TOP2B: variants seen among roughly 807,000 people sequenced by gnomAD.
The protein encoded by TOP2B is DNA topoisomerase 2-beta.
TOP2B carries 51 observed loss-of-function variants against 193.5 expected under a neutral mutation model. That is an observed-to-expected ratio of 0.26 (90% CI 0.21 to 0.33). TOP2B has a LOEUF of 0.33. Among genes scored for constraint, TOP2B ranks in the 10% least tolerant of loss-of-function variants. The pLI is 1.00. For missense variants in TOP2B, 1,378 were observed against 1,909.3 expected, an observed-to-expected ratio of 0.72 and a Z score of 5.19; for synonymous variants, 634 against 635.7, an observed-to-expected ratio of 1.00 and a Z score of 0.04.
chr3:25,599,413 A>G lies in TOP2B; in HGVS notation c.4710+22T>C, dbSNP rs769847689. On this transcript the variant is annotated intron_variant, in intron 35 of 35. Coordinates refer to ENST00000264331, the MANE Select transcript of TOP2B (RefSeq NM_001330700.2). Reference sequence around the variant, plus strand: ...TTTTTTTAAAAAGCCATGCACTAATATGCAATGATGTTCCCGGTTACCTTG... The same window carrying G: ...TTTTTTTAAAAAGCCATGCACTAATGTGCAATGATGTTCCCGGTTACCTTG... 1.1e-5 allele frequency: 18 copies of G among 1,608,658 alleles called. No individual in the cohort carries two copies. The Admixed American group carries it at 3.0e-4, about 27-fold the overall frequency.
At chr3:25,641,248 T>C (rs1276555660) in intron 4 of TOP2B, among the ~76,000 whole-genome samples, 1 of 152,206 alleles carries the variant, frequency 6.6e-6, no homozygotes, top group African/African-American at 2.4e-5. Flanking sequence ...TTAAGGAAGG[T>C]CCTTTCTTTC....
intron 1 of TOP2B, among the ~76,000 whole-genome samples, chr3:25,662,718 C>A (rs1322088789): frequency 6.6e-6 from 1 of 152,176 alleles, no homozygotes; most frequent in Non-Finnish European, 1.5e-5. Flanking sequence ...GTACTGCTAT[C>A]AAATGTTAAA....
chr3:25,646,161 C>G (rs189059072), intron 1 of TOP2B, among the ~76,000 whole-genome samples: 29 of 152,200 alleles, frequency 1.9e-4, no homozygotes, highest in Non-Finnish European at 3.1e-4. Flanking sequence ...TGGCTAGGTG[C>G]AGGAGCCCCA....
At chr3:25,628,414 G>A (rs539678175) in intron 15 of TOP2B, among the ~76,000 whole-genome samples, 6 of 152,174 alleles carry the variant, frequency 3.9e-5, no homozygotes, top group African/African-American at 1.2e-4. Flanking sequence ...AAGTCAAGGC[G>A]GCAGTGAGCT....
At chr3:25,631,653 G>A (rs775141145) in intron 10 of TOP2B, among the ~76,000 whole-genome samples, 1 of 151,950 alleles carries the variant, frequency 6.6e-6, no homozygotes, top group Non-Finnish European at 1.5e-5. Context: ...TTTAAACTTA[G>A]TGCACCTAAA....
chr3:25,639,935 T>C (rs982056168), intron 4 of TOP2B, among the ~76,000 whole-genome samples: 1 of 152,196 alleles, frequency 6.6e-6, no homozygotes, highest in East Asian at 1.9e-4. Flanking sequence ...AAGAAGTTTA[T>C]GTGCACAAAT....
intron 4 of TOP2B, among the ~76,000 whole-genome samples, chr3:25,640,660 T>A (rs1370375461): frequency 6.6e-6 from 1 of 152,124 alleles, no homozygotes; most frequent in Non-Finnish European, 1.5e-5. Flanking sequence ...GAATTACTCT[T>A]TCTACAAAAT....
rs1013069884 is a variant in TOP2B, at chr3:25,629,205, A to G, written c.1690-60T>C. 34 of 1,240,168 alleles carry G rather than the reference A, an allele frequency of 2.7e-5. No individual in the cohort carries two copies. In the Admixed American group the frequency reaches 5.6e-4, roughly 20 times the overall value. 76.8% of individuals were successfully genotyped at this position (1,240,168 alleles called of 1,614,324 possible). A position where few individuals can be genotyped will look rare whatever the true frequency, so the allele number is the denominator to read the frequency against. ...ATACTTTTATAAAATGATTACTTAT[A>G]TAAACAAATTTTAAAACGTGAATGC... On this transcript the variant is annotated intron_variant, in intron 13 of 35. Transcript: ENST00000264331.
chr3:25,638,712 A>G (rs1261714296), intron 4 of TOP2B, among the ~76,000 whole-genome samples: 1 of 152,128 alleles, frequency 6.6e-6, no homozygotes, highest in African/African-American at 2.4e-5. Context: ...ATTTCAAAAA[A>G]AAAAATCAAC....
At chr3:25,633,671 T>C (rs1703023221) in intron 8 of TOP2B, among the ~76,000 whole-genome samples, 170 bp downstream of exon 8, 1 of 152,190 alleles carries the variant, frequency 6.6e-6, no homozygotes, top group Non-Finnish European at 1.5e-5. Flanking sequence ...TAAATAAATT[T>C]TAATACAGCA....
chr3:25,617,567 A>T (rs1038212201), intron 25 of TOP2B, among the ~76,000 whole-genome samples: 1 of 152,196 alleles, frequency 6.6e-6, no homozygotes, highest in Non-Finnish European at 1.5e-5. Flanking sequence ...ACTCAAGTAC[A>T]GGGAAGTTTA....
At chr3:25,637,090 A>T in intron 6 of TOP2B, 125 bp downstream of exon 6, 1 of 698,682 alleles carries the variant, frequency 1.4e-6, no homozygotes, top group Non-Finnish European at 2.4e-6. Context: ...TTTGACTTGG[A>T]TAATGCTTTG....
chr3:25,629,187 TATAAA>T lies in TOP2B; in HGVS notation c.1690-47_1690-43del. On this transcript the variant is annotated intron_variant, in intron 13 of 35. Transcript: ENST00000264331. ...AAAGTAAAAAATGTTGTAATACTTTTATAAAATGATTACTTATATAAACAAATTTT... is the reference window on the plus strand; with the variant it reads ...AAAGTAAAAAATGTTGTAATACTTTTATGATTACTTATATAAACAAATTTT... 2.9e-6 allele frequency: 4 copies of T among 1,364,278 alleles called. No individual in the cohort carries two copies. In the South Asian group the frequency reaches 5.7e-5, roughly 19 times the overall value. The allele number at this position is 1,364,278 out of a possible 1,614,324, so 84.5% of individuals were successfully genotyped here.
intron 27 of TOP2B, 40 bp downstream of exon 27, chr3:25,615,165 A>G (rs773227791): frequency 1.3e-6 from 2 of 1,539,538 alleles, no homozygotes; most frequent in Non-Finnish European, 1.8e-6. Flanking sequence ...GTTCATAAAC[A>G]TGACTTTTCC....
At chr3:25,628,701 T>C in intron 15 of TOP2B, 146 bp downstream of exon 15, 2 of 564,464 alleles carry the variant, frequency 3.5e-6, no homozygotes, top group Non-Finnish European at 6.2e-6. Context: ...TCTACTTGCA[T>C]ACATTTTTCT....
rs1443888387 is a variant in TOP2B, at chr3:25,618,864, T to C, written c.3064-15A>G. On this transcript the variant is annotated splice_polypyrimidine_tract_variant and intron_variant, in intron 23 of 35. Transcript: ENST00000264331. ...TCAAAAAGTACCTAAGCAAAACACA[T>C]ATACTTTGCAGATCATATAGATCTG... 13 of 1,575,008 alleles carry C rather than the reference T, an allele frequency of 8.3e-6. No homozygotes were observed. Among genetic ancestry groups the C allele is most frequent in the Admixed American group, 5.5e-5 (3 of 54,662 alleles).
At chr3:25,637,344 T>A in intron 5 of TOP2B, 32 bp from the exon 6 acceptor site, 1 of 1,485,168 alleles carries the variant, frequency 6.7e-7, no homozygotes, top group Non-Finnish European at 9.1e-7. Flanking sequence ...AAAGGTTTAG[T>A]AAAAATGATT....
At chr3:25,620,866 C>T (rs779741846) in intron 21 of TOP2B, 50 bp from the exon 22 acceptor site, 25 of 1,585,388 alleles carry the variant, frequency 1.6e-5, no homozygotes, top group South Asian at 2.3e-5. Flanking sequence ...AGTACCAGTA[C>T]CATGAGTCTA....
chr3:25,623,400 T>C (rs1361162278), intron 21 of TOP2B, 115 bp downstream of exon 21: 2 of 941,342 alleles, frequency 2.1e-6, no homozygotes, highest in Non-Finnish European at 3.2e-6. Context: ...ATTAGGTCTT[T>C]ACGGTCTACA....
Sources: allele counts gnomAD v4.1 joint callset (sites outside exome capture counted in the v4.1 genomes callset), GRCh38; gene constraint gnomAD v4.1.1; transcripts MANE v1.5; gene names NCBI Gene and HGNC (gene_info 2026-07-23, HGNC 2026-07-21).